The following LMNTD1 variants were observed in gnomAD, a reference collection of about 807,000 sequenced individuals.
The protein encoded by LMNTD1 is lamin tail domain-containing protein 1.
In LMNTD1, 35 loss-of-function variants were observed where a neutral mutation model predicts 50.9. That is an observed-to-expected ratio of 0.69 (90% CI 0.53 to 0.91). The LOEUF is 0.91. Ranked by LOEUF, LMNTD1 falls within the 40% of genes least tolerant of loss-of-function variation. The probability of loss-of-function intolerance (pLI) is 0.00; values close to 1 mark genes in which losing one functional copy is unlikely to be tolerated. For missense variants in LMNTD1, 470 were observed against 475.5 expected, an observed-to-expected ratio of 0.99 and a Z score of 0.11; for synonymous variants, 153 against 161.9, an observed-to-expected ratio of 0.94 and a Z score of 0.42.
rs117257437 is a variant in LMNTD1 at position 25,481,332 on chromosome 12, G to A, written c.*23-4872C>T. Among the ~76,000 whole-genome samples, 409 of 152,088 alleles carry A rather than the reference G, an allele frequency of 2.7e-3. 1 individual carries two copies. The highest frequency in any genetic ancestry group is 5.2e-3 in the Non-Finnish European group (354 of 68,036). On this transcript the variant is annotated intron_variant, in intron 9 of 9. Transcript: ENST00000458174. Reference sequence around the variant, plus strand: ...TTCGTTTCCCATCACTAAAGTACAAGCTTCATGAAGACAGATAATTTTGTC... The same window carrying A: ...TTCGTTTCCCATCACTAAAGTACAAACTTCATGAAGACAGATAATTTTGTC...
chr12:25,612,089 G>A (rs759415482), intron 1 of LMNTD1, among the ~76,000 whole-genome samples: 1 of 152,096 alleles, frequency 6.6e-6, no homozygotes, highest in Non-Finnish European at 1.5e-5. Context: ...AGGTTTTTGT[G>A]TGTGTTCAGT....
At chr12:25,573,406 G>C (rs1944876575) in intron 1 of LMNTD1, among the ~76,000 whole-genome samples, 1 of 152,116 alleles carries the variant, frequency 6.6e-6, no homozygotes, top group African/African-American at 2.4e-5. Flanking sequence ...AGGCTGGCAG[G>C]AGATGTCAGC....
intron 1 of LMNTD1, among the ~76,000 whole-genome samples, chr12:25,637,894 G>A (rs1466010671): frequency 6.6e-6 from 1 of 151,596 alleles, no homozygotes; most frequent in African/African-American, 2.4e-5. Flanking sequence ...CAAAACCAAA[G>A]ACATCACAAG....
intron 8 of LMNTD1, among the ~76,000 whole-genome samples, chr12:25,507,435 A>G (rs1171723074): frequency 1.3e-5 from 2 of 152,252 alleles, no homozygotes; most frequent in Non-Finnish European, 2.9e-5. Context: ...GCTTAATTCT[A>G]TGGGCCATCT....
intron 1 of LMNTD1, among the ~76,000 whole-genome samples, chr12:25,593,400 C>A (rs984109240): frequency 1.3e-5 from 2 of 152,178 alleles, no homozygotes; most frequent in East Asian, 1.9e-4. Flanking sequence ...CTGCAGACAA[C>A]CCCCAGTACC....
chr12:25,496,244 C>T (rs1362842512), intron 9 of LMNTD1, among the ~76,000 whole-genome samples: 1 of 152,110 alleles, frequency 6.6e-6, no homozygotes. Context: ...GTCACCAGAG[C>T]CCTTTTGGTT....
chr12:25,612,332 G>GCA (rs1946267962), intron 1 of LMNTD1, among the ~76,000 whole-genome samples: 1 of 133,246 alleles, frequency 7.5e-6, no homozygotes, highest in Non-Finnish European at 1.6e-5. Context: ...ACACACACGC[G>GCA]CTCCCACTGT....
chr12:25,559,387 A>G (rs1944188159), intron 1 of LMNTD1, among the ~76,000 whole-genome samples: 2 of 152,122 alleles, frequency 1.3e-5, no homozygotes, highest in African/African-American at 4.8e-5. Context: ...GTCCTTTGTT[A>G]TGGCTGCATA....
intron 1 of LMNTD1, among the ~76,000 whole-genome samples, chr12:25,622,152 G>C (rs1045898571): frequency 1.3e-5 from 2 of 152,246 alleles, no homozygotes; most frequent in African/African-American, 2.4e-5. Context: ...CCCAGGGAAG[G>C]CTGCAGAGGA....
At chr12:25,630,018 G>T (rs765754933) in intron 1 of LMNTD1, among the ~76,000 whole-genome samples, 1 of 152,062 alleles carries the variant, frequency 6.6e-6, no homozygotes, top group Non-Finnish European at 1.5e-5. Context: ...TCCTTAATAG[G>T]GATATCAGGG....
chr12:25,514,355 A>G (rs966949738), intron 8 of LMNTD1, among the ~76,000 whole-genome samples: 2 of 152,188 alleles, frequency 1.3e-5, no homozygotes, highest in African/African-American at 4.8e-5. Flanking sequence ...AAACAACTTC[A>G]AATATATTAA....
chr12:25,507,462 C>T (rs958511244), intron 8 of LMNTD1, among the ~76,000 whole-genome samples: 1 of 152,144 alleles, frequency 6.6e-6, no homozygotes, highest in African/African-American at 2.4e-5. Context: ...GACACAGATC[C>T]AACTTAAAAA....
At chr12:25,479,926 C>G (rs994365628) in intron 9 of LMNTD1, among the ~76,000 whole-genome samples, 3 of 152,166 alleles carry the variant, frequency 2.0e-5, no homozygotes, top group Non-Finnish European at 4.4e-5. Flanking sequence ...TCAGCCTTGG[C>G]GAGTGGAAGT....
chr12:25,590,794 C>T (rs1017301328), intron 1 of LMNTD1, among the ~76,000 whole-genome samples: 22 of 152,124 alleles, frequency 1.4e-4, no homozygotes, highest in African/African-American at 5.3e-4. Context: ...CTTTCCAGGA[C>T]TTAGCTCCAG....
At chr12:25,519,183 T>A (rs1247698025) in intron 7 of LMNTD1, among the ~76,000 whole-genome samples, 2 of 152,160 alleles carry the variant, frequency 1.3e-5, no homozygotes, top group Admixed American at 6.5e-5. Context: ...TGATCCAAGA[T>A]AAAATTCCTG....
chr12:25,553,570 G>A (rs1202489144), upstream of LMNTD1, among the ~76,000 whole-genome samples: 1 of 151,594 alleles, frequency 6.6e-6, no homozygotes, highest in African/African-American at 2.4e-5. Flanking sequence ...TCTCTCTCTG[G>A]ACAAATACTT....
intron 1 of LMNTD1, among the ~76,000 whole-genome samples, chr12:25,604,475 T>A (rs113243565): frequency 3.3e-5 from 5 of 152,056 alleles, no homozygotes; most frequent in African/African-American, 1.2e-4. Flanking sequence ...ATTAGGTATA[T>A]CTCCTAATGC....
At chr12:25,552,581 G>GGAAAAAAAAA (rs1352627059) in intron 2 of LMNTD1, among the ~76,000 whole-genome samples, 5 of 58,154 alleles carry the variant, frequency 8.6e-5, no homozygotes, top group Non-Finnish European at 1.6e-4. Flanking sequence ...CACTCTGTCT[G>GGAAAAAAAAA]AAAAAAAAAA....
At chr12:25,591,405 G>C (rs1435313781) in intron 1 of LMNTD1, among the ~76,000 whole-genome samples, 1 of 152,220 alleles carries the variant, frequency 6.6e-6, no homozygotes, top group Non-Finnish European at 1.5e-5. Context: ...GTGGCCACAG[G>C]GTGAGGCTCC....
Sources: gnomAD v4.1 joint callset for allele counts (sites outside exome capture counted in the v4.1 genomes callset) on GRCh38, gnomAD v4.1.1 for gene constraint, MANE v1.5 for transcripts, NCBI Gene and HGNC (gene_info 2026-07-23, HGNC 2026-07-21) for gene names.